Variants in PDZRN3 observed in about 807,000 individuals in gnomAD.
PDZRN3 encodes PDZ domain containing ring finger 3.
PDZRN3 carries 38 observed loss-of-function variants against 85.7 expected under a neutral mutation model. The ratio of observed to expected loss-of-function variants is 0.44; its 90% CI spans 0.34 to 0.58. PDZRN3 has a LOEUF of 0.58. Ranked by LOEUF, PDZRN3 falls within the 20% of genes least tolerant of loss-of-function variation. PDZRN3 has a pLI of 0.01. For missense variants in PDZRN3, 1,629 were observed against 1,506.4 expected (o/e 1.08, Z -1.35); for synonymous variants, 759 against 638.0 (o/e 1.19, Z -2.86).
intron 3 of PDZRN3, among the ~76,000 whole-genome samples, chr3:73,586,941 A>G (rs1016043343): frequency 2.0e-5 from 3 of 152,258 alleles, no homozygotes; most frequent in Non-Finnish European, 2.9e-5. Context: ...TAAGAAGTTC[A>G]TAAGTGGAAA....
At chr3:73,401,499 A>T (rs1194235238) in intron 4 of PDZRN3, among the ~76,000 whole-genome samples, 1 of 152,180 alleles carries the variant, frequency 6.6e-6, no homozygotes, top group Non-Finnish European at 1.5e-5. Context: ...TGTCTTTTTG[A>T]ATGTTACCCA....
chr3:73,475,008 A>C (rs1020536839), intron 3 of PDZRN3, among the ~76,000 whole-genome samples: 2 of 152,152 alleles, frequency 1.3e-5, no homozygotes, highest in African/African-American at 4.8e-5. Flanking sequence ...CAGTACTTAG[A>C]TAAGTTAATA....
At chr3:73,418,291 G>T (rs56095792) in intron 3 of PDZRN3, among the ~76,000 whole-genome samples, 1 of 152,190 alleles carries the variant, frequency 6.6e-6, no homozygotes, top group African/African-American at 2.4e-5. Context: ...TACCTTTGGA[G>T]AACTGAACAG....
chr3:73,522,883 G>A (rs930062598), intron 3 of PDZRN3, among the ~76,000 whole-genome samples: 14 of 152,274 alleles, frequency 9.2e-5, no homozygotes, highest in Non-Finnish European at 1.3e-4. Flanking sequence ...ACTACTCTAG[G>A]ACATAATTGC....
At chr3:73,542,493 G>A (rs12633133) in intron 3 of PDZRN3, among the ~76,000 whole-genome samples, 1 of 152,080 alleles carries the variant, frequency 6.6e-6, no homozygotes, top group Non-Finnish European at 1.5e-5. Context: ...TCTCTTGCTG[G>A]CCGGGTGTGG....
At chr3:73,490,238 A>G (rs1267970758) in intron 3 of PDZRN3, among the ~76,000 whole-genome samples, 1 of 152,190 alleles carries the variant, frequency 6.6e-6, no homozygotes, top group Non-Finnish European at 1.5e-5. Flanking sequence ...TAAAGGGAGC[A>G]CCCCATACAG....
At chr3:73,429,034 G>A (rs77329621) in intron 3 of PDZRN3, among the ~76,000 whole-genome samples, 15,752 of 151,974 alleles carry the variant, frequency 0.1, 1,086 homozygotes, top group African/African-American at 0.2. Flanking sequence ...GAGTAGCTGG[G>A]ACTACAGGCA....
At chr3:73,394,992 T>C (rs1456960304) in intron 5 of PDZRN3, among the ~76,000 whole-genome samples, 2 of 152,234 alleles carry the variant, frequency 1.3e-5, no homozygotes, top group Non-Finnish European at 2.9e-5. Flanking sequence ...GTGTCTAGAT[T>C]TGTATGCTGT....
At chr3:73,393,415 G>GGAAGT (rs562477402) in intron 5 of PDZRN3, among the ~76,000 whole-genome samples, 105 of 152,246 alleles carry the variant, frequency 6.9e-4, no homozygotes, top group African/African-American at 2.5e-3. Context: ...AGAAATTGAG[G>GGAAGT]GAAGTGTTCA....
intron 2 of PDZRN3, among the ~76,000 whole-genome samples, chr3:73,602,838 T>C (rs377381191): frequency 1.4e-4 from 21 of 152,358 alleles, no homozygotes; most frequent in East Asian, 1.3e-3. Context: ...TCCTTGCCTC[T>C]CTCATTTAAC....
chr3:73,439,376 T>G (rs560634983), intron 3 of PDZRN3, among the ~76,000 whole-genome samples: 6 of 152,352 alleles, frequency 3.9e-5, no homozygotes, highest in Non-Finnish European at 8.8e-5. Context: ...AATCACTTTT[T>G]GTGCCTTTGG....
rs138969581 is a variant in PDZRN3, at chr3:73,426,503, G to T, written c.919-22108C>A. On this transcript the variant is annotated intron_variant, in intron 3 of 9. Coordinates refer to ENST00000263666, the MANE Select transcript of PDZRN3 (RefSeq NM_015009.3). ...TTACAGAACTATTTGCTTGAAAAAA[G>T]TTCTCAAACAAAACAATTTATTTTT... Among the ~76,000 whole-genome samples the T allele has an allele frequency of 2.6e-3, 397 of 152,114 alleles. 1 individual carries two copies. Among genetic ancestry groups the T allele is most frequent in the African/African-American group, 8.9e-3 (369 of 41,488 alleles).
At chr3:73,407,198 G>C (rs1303932186) in intron 3 of PDZRN3, among the ~76,000 whole-genome samples, 1 of 152,164 alleles carries the variant, frequency 6.6e-6, no homozygotes, top group Non-Finnish European at 1.5e-5. Flanking sequence ...CCTTAAACTA[G>C]GACTAAACTA....
chr3:73,606,451 C>A (rs1205283099), intron 2 of PDZRN3, among the ~76,000 whole-genome samples: 1 of 152,104 alleles, frequency 6.6e-6, no homozygotes, highest in Non-Finnish European at 1.5e-5. Flanking sequence ...TCAGTCCCTC[C>A]GAAGGCTGGA....
chr3:73,559,351 AC>A (rs1292970847), intron 3 of PDZRN3, among the ~76,000 whole-genome samples: 1 of 152,212 alleles, frequency 6.6e-6, no homozygotes, highest in Non-Finnish European at 1.5e-5. Context: ...GAAAGGGGCA[AC>A]AAAACCCCTC....
At chr3:73,590,127 A>AG (rs1702334561) in intron 3 of PDZRN3, among the ~76,000 whole-genome samples, 1 of 148,584 alleles carries the variant, frequency 6.7e-6, no homozygotes. Context: ...AAATTAGTTG[A>AG]GTGTGGTGAC....
At position 73,608,644 on chromosome 3, in the gene PDZRN3, T is replaced by A; in HGVS notation, c.764A>T (p.Asp255Val). The A allele has an allele frequency of 6.2e-7, 1 of 1,613,020 alleles. No individual in the cohort carries two copies. The highest frequency in any genetic ancestry group is 8.5e-7 in the Non-Finnish European group (1 of 1,179,508). The change falls in exon 2 of 10, where the codon GAC becomes GTC. Residue 255 changes from aspartate to valine, a missense_variant. By Grantham distance (152) the Asp-to-Val change is radical. Transcript: ENST00000263666. ...TKSLTLVLHR[D>V]SGSLGFNIIG... ...AATATTGAATCCCAGGGAGCCGGAGTCCCGATGCAGGACAAGAGTCAGACT... is the reference window on the plus strand; with the variant it reads ...AATATTGAATCCCAGGGAGCCGGAGACCCGATGCAGGACAAGAGTCAGACT...
intron 3 of PDZRN3, among the ~76,000 whole-genome samples, chr3:73,415,476 T>G (rs540200861): frequency 1.3e-5 from 2 of 152,348 alleles, no homozygotes; most frequent in African/African-American, 4.8e-5. Flanking sequence ...ATACTTAAGA[T>G]GTACAGCATA....
chr3:73,424,107 A>G (rs1321749123), intron 3 of PDZRN3, among the ~76,000 whole-genome samples: 1 of 152,180 alleles, frequency 6.6e-6, no homozygotes, highest in Non-Finnish European at 1.5e-5. Flanking sequence ...AGGAAAATAT[A>G]AGTAAATATC....
Sources: gnomAD v4.1 joint callset for allele counts (sites outside exome capture counted in the v4.1 genomes callset) on GRCh38, gnomAD v4.1.1 for gene constraint, MANE v1.5 for transcripts, NCBI Gene and HGNC (gene_info 2026-07-23, HGNC 2026-07-21) for gene names.